UBE2E3: variants seen among roughly 807,000 people sequenced by gnomAD.
The protein encoded by UBE2E3 is ubiquitin conjugating enzyme E2 E3.
In UBE2E3, 5 loss-of-function variants were observed where a neutral mutation model predicts 23.6. That is an observed-to-expected ratio of 0.21 (90% CI 0.11 to 0.44). UBE2E3 has a LOEUF of 0.44. UBE2E3 is among the 20% of genes least tolerant of loss of function. The probability of loss-of-function intolerance (pLI) is 0.99; values close to 1 mark genes in which losing one functional copy is unlikely to be tolerated. For missense variants in UBE2E3, 81 were observed against 249.8 expected (o/e 0.32, Z 4.55); for synonymous variants, 78 against 87.5 (o/e 0.89, Z 0.60).
At chr2:181,021,582 C>T (rs796497344) in intron 3 of UBE2E3, among the ~76,000 whole-genome samples, 2,901 of 55,706 alleles carry the variant, frequency 0.052, 9 homozygotes, top group East Asian at 0.097. Flanking sequence ...CTCCCTCCCT[C>T]CCTTCCTTCC....
chr2:180,981,188 C>G (rs1559108651), intron 1 of UBE2E3: 5 of 149,848 alleles, frequency 3.3e-5, no homozygotes, highest in Admixed American at 2.0e-4. Context: ...CACAAAGGGC[C>G]GCGGAGCTGC....
At chr2:180,989,286 G>A (rs1684582029) in intron 3 of UBE2E3, among the ~76,000 whole-genome samples, 1 of 152,080 alleles carries the variant, frequency 6.6e-6, no homozygotes, top group Non-Finnish European at 1.5e-5. Context: ...AGTGTTCCTT[G>A]AATGGAGAGA....
intron 3 of UBE2E3, among the ~76,000 whole-genome samples, chr2:181,048,906 C>A (rs1189053963): frequency 6.6e-6 from 1 of 152,102 alleles, no homozygotes; most frequent in Non-Finnish European, 1.5e-5. Context: ...TAAATTTGTT[C>A]TGCATCCTAA....
intron 3 of UBE2E3, among the ~76,000 whole-genome samples, chr2:180,996,080 CTGT>C (rs1232377945): frequency 6.6e-6 from 1 of 151,926 alleles, no homozygotes; most frequent in African/African-American, 2.4e-5. Context: ...CAGTATATTG[CTGT>C]TATCATCTTT....
intron 3 of UBE2E3, among the ~76,000 whole-genome samples, chr2:181,000,222 T>TAA (rs1248917485): frequency 2.0e-5 from 3 of 152,218 alleles, no homozygotes; most frequent in African/African-American, 7.2e-5. Context: ...AAAAATCTAT[T>TAA]AAAGTAGCTT....
intron 3 of UBE2E3, among the ~76,000 whole-genome samples, chr2:180,995,765 C>A (rs1250773900): frequency 6.7e-6 from 1 of 149,684 alleles, no homozygotes; most frequent in African/African-American, 2.5e-5. Context: ...CTGACAGCTA[C>A]CACTTTTTGT....
chr2:181,057,441 T>A (rs959360871), intron 3 of UBE2E3, among the ~76,000 whole-genome samples: 15 of 151,786 alleles, frequency 9.9e-5, no homozygotes, highest in African/African-American at 2.9e-4. Flanking sequence ...AGCAGAATGC[T>A]AATGGAGACT....
intron 3 of UBE2E3, among the ~76,000 whole-genome samples, chr2:181,037,202 T>C (rs186309329): frequency 8.5e-4 from 129 of 152,260 alleles, no homozygotes; most frequent in African/African-American, 3.1e-3. Context: ...CCAGCAAATA[T>C]AATTATATGT....
At chr2:180,997,795 G>A (rs1684871610) in intron 3 of UBE2E3, among the ~76,000 whole-genome samples, 2 of 152,070 alleles carry the variant, frequency 1.3e-5, no homozygotes, top group Admixed American at 6.5e-5. Context: ...TACATCTCTC[G>A]TTGCCTAGGA....
chr2:180,999,589 T>A (rs994111242), intron 3 of UBE2E3, among the ~76,000 whole-genome samples: 2 of 151,968 alleles, frequency 1.3e-5, no homozygotes, highest in African/African-American at 4.8e-5. Flanking sequence ...ATCCTTGCCA[T>A]ACTTATTTTT....
In UBE2E3 at chr2:180,980,676, G is replaced by A. The variant is rs934915376; in HGVS notation, c.-323G>A. ...CGGCGGGAGGCTACAGCGCGCGGGG[G>A]TCTCCCGCGTCCCCTCCGCCTCGCC... is the stretch of plus-strand genomic sequence containing the variant. On this transcript the variant is annotated 5_prime_UTR_variant, in exon 1 of 6. Coordinates refer to ENST00000410062, the MANE Select transcript of UBE2E3 (RefSeq NM_006357.4). This position sits in a 1 kb window ranked among gnomAD's most constrained non-coding sequence, Gnocchi z 5.5. 19 of 149,104 alleles carry A rather than the reference G, an allele frequency of 1.3e-4. No individual in the cohort carries two copies. The highest frequency in any genetic ancestry group is 2.0e-4 in the African/African-American group (8 of 40,994). 9.2% of individuals were successfully genotyped at this position (149,104 alleles called of 1,614,324 possible).
At chr2:180,989,758 TTA>T (rs1245258070) in intron 3 of UBE2E3, 2 of 1,066,882 alleles carry the variant, frequency 1.9e-6, no homozygotes, top group Non-Finnish European at 2.5e-6. Flanking sequence ...TTAAAAAAAG[TTA>T]TATGTTTACT....
At chr2:181,002,742 C>T (rs1188064456) in intron 3 of UBE2E3, among the ~76,000 whole-genome samples, 7 of 152,176 alleles carry the variant, frequency 4.6e-5, no homozygotes, top group African/African-American at 1.4e-4. Context: ...AAAATAGCCA[C>T]AGGTAGCTAG....
At chr2:180,986,995 G>A (rs1449548555) in intron 3 of UBE2E3, among the ~76,000 whole-genome samples, 1 of 152,014 alleles carries the variant, frequency 6.6e-6, no homozygotes, top group East Asian at 1.9e-4. Flanking sequence ...TAATTGAATT[G>A]TGTATGGCTT....
intron 3 of UBE2E3, among the ~76,000 whole-genome samples, chr2:181,028,161 C>T (rs1024746806): frequency 1.5e-4 from 23 of 152,016 alleles, no homozygotes; most frequent in African/African-American, 5.3e-4. Context: ...ATGTAATTAC[C>T]TATTAATGTA....
chr2:181,043,937 A>AT (rs1474605528), intron 3 of UBE2E3, among the ~76,000 whole-genome samples: 1 of 152,152 alleles, frequency 6.6e-6, no homozygotes, highest in Non-Finnish European at 1.5e-5. Flanking sequence ...CATTTAAGTT[A>AT]TTTTGAGTTT....
At chr2:181,028,148 A>G (rs992032107) in intron 3 of UBE2E3, among the ~76,000 whole-genome samples, 7 of 152,128 alleles carry the variant, frequency 4.6e-5, no homozygotes, top group Non-Finnish European at 1.0e-4. Flanking sequence ...TATACATTAC[A>G]TAATGTAATT....
intron 3 of UBE2E3, among the ~76,000 whole-genome samples, chr2:181,039,977 AT>A (rs1339321102): frequency 4.6e-5 from 7 of 151,908 alleles, no homozygotes; most frequent in Non-Finnish European, 4.4e-5. Flanking sequence ...TTTTCTGCAT[AT>A]TTTCTGTTTG....
intron 3 of UBE2E3, among the ~76,000 whole-genome samples, chr2:180,986,665 G>C (rs1333590398): frequency 6.6e-6 from 1 of 152,046 alleles, no homozygotes; most frequent in African/African-American, 2.4e-5. Context: ...TATTGCCTGA[G>C]ATCTATGAAA....
Sources: allele counts gnomAD v4.1 joint callset (sites outside exome capture counted in the v4.1 genomes callset), GRCh38; gene constraint gnomAD v4.1.1; non-coding constraint Gnocchi (gnomAD v3.1); transcripts MANE v1.5; gene names NCBI Gene and HGNC (gene_info 2026-07-23, HGNC 2026-07-21).